Variants in SNRNP25 observed in about 807,000 individuals in gnomAD.
SNRNP25 encodes U11/U12 small nuclear ribonucleoprotein 25 kDa protein.
In SNRNP25, 21 loss-of-function variants were observed where a neutral mutation model predicts 23.9. That is an observed-to-expected ratio of 0.88 (90% CI 0.62 to 1.27). The LOEUF (loss-of-function observed/expected upper bound fraction) is 1.27, where lower values mean the gene tolerates loss of function less well. SNRNP25 is among the 50% of genes most tolerant of loss of function. SNRNP25 has a pLI of 0.00. For synonymous variants in SNRNP25, 63 were observed against 60.4 expected (o/e 1.04, Z -0.20); for missense variants, 160 against 156.9 (o/e 1.02, Z -0.11).
intron 2 of SNRNP25, 64 bp from the exon 3 acceptor site, chr16:55,713 C>A: frequency 6.3e-7 from 1 of 1,584,192 alleles, no homozygotes; most frequent in Non-Finnish European, 8.6e-7. Context: ...CCTTTCCTGC[C>A]ATCGGAGGCT....
intron 2 of SNRNP25, 109 bp from the exon 3 acceptor site, chr16:55,668 A>G (rs914502138): frequency 6.5e-7 from 1 of 1,527,648 alleles, no homozygotes; most frequent in African/African-American, 1.4e-5. Context: ...TACTGGGGCA[A>G]CCACAAACCT....
At position 55,432 on chromosome 16, in the gene SNRNP25, C is replaced by A. The variant is rs11867017; in HGVS notation, c.43-27C>A. ...CAAGGTGGTAAAGAGAGCCAGGGTT[C>A]CCACTTCTGCCCTTGGTCTTTTGTA... On this transcript the variant is annotated intron_variant, in intron 1 of 4. Coordinates refer to ENST00000293861, the MANE Select transcript of SNRNP25 (RefSeq NM_024571.4). 6.8e-4 allele frequency: 1,097 copies of A among 1,603,996 alleles called. 9 individuals are homozygous for A. In the African/African-American group the frequency reaches 9.8e-3, roughly 14 times the overall value.
At position 54,086 on chromosome 16, in the gene SNRNP25, G is replaced by A. The variant is rs746926591; in HGVS notation, c.42+28G>A. ...GTGTGCGGGCGGGGGCTGGGGGCGC[G>A]GGAGTCGTTCCCCGGGGTCCGGGCA... On this transcript the variant is annotated intron_variant, in intron 1 of 4. Coordinates refer to ENST00000293861, the MANE Select transcript of SNRNP25 (RefSeq NM_024571.4). 57 of 1,584,366 alleles carry A rather than the reference G, an allele frequency of 3.6e-5. 1 individual carries two copies. The Admixed American group carries it at 8.3e-4, about 23-fold the overall frequency.
At position 55,798 on chromosome 16, in the gene SNRNP25, C is replaced by T. The variant is rs1261442614; in HGVS notation, c.155C>T (p.Ala52Val). The change falls in exon 3 of 5, where the codon GCC becomes GTC. Residue 52 changes from alanine to valine, a missense_variant. Transcript: ENST00000293861. Reference sequence around the variant, plus strand: ...GCAGCCGTGGTTGTAGTGCAGAGTGCCACAGTCCTGGACCTGAAGAAGGCC... The same window carrying T: ...GCAGCCGTGGTTGTAGTGCAGAGTGTCACAGTCCTGGACCTGAAGAAGGCC... ...EVMPVVVVQS[A>V]TVLDLKKAIQ... is the part of the protein sequence containing the mutation. 1 of 1,614,104 alleles carries T rather than the reference C, an allele frequency of 6.2e-7. No homozygotes were observed. The highest frequency in any genetic ancestry group is 8.5e-7 in the Non-Finnish European group (1 of 1,180,002).
chr16:55,647 A>C, intron 2 of SNRNP25, 98 bp downstream of exon 2: 1 of 1,545,448 alleles, frequency 6.5e-7, no homozygotes, highest in Non-Finnish European at 8.9e-7. Flanking sequence ...CTCACAGGCC[A>C]TGCCCAGGGG....
intron 4 of SNRNP25, 49 bp downstream of exon 4, chr16:56,662 C>A (rs1382780525): frequency 6.3e-7 from 1 of 1,586,102 alleles, no homozygotes; most frequent in Non-Finnish European, 8.7e-7. Flanking sequence ...GTTCTGTTGC[C>A]CCTTAGTCCC....
rs1897390257 is a variant in SNRNP25, at chr16:55,148, G to GAT, written c.43-307_43-306dup. On this transcript the variant is annotated intron_variant, in intron 1 of 4. Coordinates refer to ENST00000293861, the MANE Select transcript of SNRNP25 (RefSeq NM_024571.4). ...CCTGGCCTGGGTCCTGATGATCAGGGATATACTCAGCGTGAACTGACAGGC... is the reference window on the plus strand; with the variant it reads ...CCTGGCCTGGGTCCTGATGATCAGGGATATATACTCAGCGTGAACTGACAGGC... 3 of 350,844 alleles carry GAT rather than the reference G, an allele frequency of 8.6e-6. No homozygotes were observed. The Middle Eastern group carries it at 2.8e-3, about 324-fold the overall frequency. The allele number at this position is 350,844 out of a possible 1,614,324, so 21.7% of individuals were successfully genotyped here.
intron 1 of SNRNP25, chr16:55,250 G>A: frequency 1.9e-6 from 1 of 515,280 alleles, no homozygotes; most frequent in South Asian, 2.0e-5. Flanking sequence ...TTCCCCCAGA[G>A]ACTCTGTCCA....
At chr16:56,749 C>A in intron 4 of SNRNP25, 136 bp downstream of exon 4, 2 of 926,114 alleles carry the variant, frequency 2.2e-6, no homozygotes, top group South Asian at 1.6e-5. Flanking sequence ...GGGGCCCTCC[C>A]CACTAGGAGA....
Position 53,938 on chromosome 16 carries a change from G to A in SNRNP25, c.-79G>A, listed in dbSNP as rs1897374041. 6.4e-7 allele frequency: 1 copy of A among 1,573,592 alleles called. No homozygotes were observed. Among genetic ancestry groups the A allele is most frequent in the Non-Finnish European group, 8.6e-7 (1 of 1,160,578 alleles). On this transcript the variant is annotated 5_prime_UTR_variant, in exon 1 of 5. Coordinates refer to ENST00000293861, the MANE Select transcript of SNRNP25 (RefSeq NM_024571.4). ...AGACGGAGGCCGCGGGTGGGCCCGA[G>A]GCGCAAGAGGAAGATGAGGACGAAG... is the stretch of plus-strand genomic sequence containing the variant.
chr16:55,376 G>A, intron 1 of SNRNP25, 83 bp from the exon 2 acceptor site: 2 of 1,226,706 alleles, frequency 1.6e-6, no homozygotes, highest in Non-Finnish European at 2.4e-6. Flanking sequence ...ACCACTTTTT[G>A]GCCACTATCG....
At chr16:55,755 C>G (rs1385832640) in intron 2 of SNRNP25, 22 bp from the exon 3 acceptor site, 1 of 1,612,588 alleles carries the variant, frequency 6.2e-7, no homozygotes, top group Non-Finnish European at 8.5e-7. Context: ...GGATCTTCTC[C>G]CATCTGTGTC....
At chr16:54,315 C>T (rs944345351) in intron 1 of SNRNP25, among the ~76,000 whole-genome samples, 36 of 152,250 alleles carry the variant, frequency 2.4e-4, no homozygotes, top group African/African-American at 8.4e-4. Flanking sequence ...GCTCGGGGGA[C>T]AGGGTCTTGC....
intron 3 of SNRNP25, 187 bp downstream of exon 3, chr16:56,069 T>C: frequency 1.6e-6 from 1 of 640,510 alleles, no homozygotes; most frequent in Non-Finnish European, 2.8e-6. Flanking sequence ...GTTCTGTGCC[T>C]GGGACTCCTG....
At position 57,185 on chromosome 16, in the gene SNRNP25, C is replaced by G; in HGVS notation, c.*42C>G. The G allele has an allele frequency of 1.2e-6, 2 of 1,601,250 alleles. No individual in the cohort carries two copies. Among genetic ancestry groups the G allele is most frequent in the South Asian group, 2.2e-5 (2 of 90,834 alleles). Reference sequence around the variant, plus strand: ...ACCCTCTTCATCACTGGTGGCTGAGCTTTTTCCCAGCAGGAATGGGTCCTC... The same window carrying G: ...ACCCTCTTCATCACTGGTGGCTGAGGTTTTTCCCAGCAGGAATGGGTCCTC... On this transcript the variant is annotated 3_prime_UTR_variant, in exon 5 of 5. Coordinates refer to ENST00000293861, the MANE Select transcript of SNRNP25 (RefSeq NM_024571.4).
In SNRNP25 at chr16:57,247, G is replaced by A. The variant is rs144479296; in HGVS notation, c.*104G>A. 8,025 of 1,280,634 alleles carry A rather than the reference G, an allele frequency of 6.3e-3. 29 individuals carry two copies. The highest frequency in any genetic ancestry group is 8.1e-3 in the Non-Finnish European group (7,172 of 881,360). The allele number at this position is 1,280,634 out of a possible 1,614,324, so 79.3% of individuals were successfully genotyped here. On this transcript the variant is annotated 3_prime_UTR_variant, in exon 5 of 5. Transcript: ENST00000293861. The stretch of plus-strand genomic sequence containing the variant: ...CCTCTTTCACAGAAAGGACGTTGTG[G>A]TGGCCTCACCCCAGGCATGCCCAAC...
At chr16:56,705 C>G in intron 4 of SNRNP25, 92 bp downstream of exon 4, 1 of 1,352,986 alleles carries the variant, frequency 7.4e-7, no homozygotes, top group Non-Finnish European at 1.0e-6. Flanking sequence ...GGCTCCCTCT[C>G]CGGAGATAAC....
At chr16:54,889 C>T (rs951741160) in intron 1 of SNRNP25, 6 of 153,082 alleles carry the variant, frequency 3.9e-5, no homozygotes, top group Admixed American at 1.3e-4. Flanking sequence ...CCATGTTGGG[C>T]CAGGATGGTC....
Position 55,549 on chromosome 16 carries a change from C to A in SNRNP25, c.133C>A (p.Pro45Thr). Residue 45 changes from proline (P) to threonine (T), a missense_variant and splice_region_variant, in exon 2 of 5, where the codon CCC (proline) becomes ACC (threonine). Transcript: ENST00000293861. ...GTGCAAGATGGATGGAGAAGTAATG[C>A]GTAAGTGCTACCCTCCTCCCTTCAG... ...RVCKMDGEVMPVVVVQSATVL... is the reference protein window; with the variant it reads ...RVCKMDGEVMTVVVVQSATVL... The A allele has an allele frequency of 6.2e-7, 1 of 1,613,948 alleles. No homozygotes were observed. The highest frequency in any genetic ancestry group is 1.1e-5 in the South Asian group (1 of 91,078).
Sources: allele counts gnomAD v4.1 joint callset (sites outside exome capture counted in the v4.1 genomes callset), GRCh38; gene constraint gnomAD v4.1.1; transcripts MANE v1.5; gene names NCBI Gene and HGNC (gene_info 2026-07-23, HGNC 2026-07-21).